The following ENOX1 variants were observed in gnomAD, a reference collection of about 807,000 sequenced individuals.
ENOX1 encodes the protein candidate growth-related and time keeping constitutive hydroquinone (NADH) oxidase.
A neutral mutation model predicts 82.5 loss-of-function variants in ENOX1; 42 were observed. The ratio of observed to expected loss-of-function variants is 0.51; its 90% CI spans 0.40 to 0.66. The LOEUF is 0.66. ENOX1 is among the 30% of genes least tolerant of loss of function. The probability of loss-of-function intolerance (pLI) is 0.00; values close to 1 mark genes in which losing one functional copy is unlikely to be tolerated. For missense variants in ENOX1, 608 were observed against 811.6 expected (o/e 0.75, Z 3.05); for synonymous variants, 271 against 282.2 (o/e 0.96, Z 0.40).
At chr13:43,474,519 T>C (rs2058200648) in intron 3 of ENOX1, among the ~76,000 whole-genome samples, 1 of 152,210 alleles carries the variant, frequency 6.6e-6, no homozygotes, top group Non-Finnish European at 1.5e-5. Flanking sequence ...TTCTCAACAC[T>C]TTTGGGAATA....
chr13:43,611,490 G>C (rs2082200092), intron 2 of ENOX1, among the ~76,000 whole-genome samples: 1 of 152,094 alleles, frequency 6.6e-6, no homozygotes, highest in African/African-American at 2.4e-5. Flanking sequence ...GTCTCAAAAG[G>C]CTACTTAGAT....
At chr13:43,432,792 C>T (rs1325229394) in intron 3 of ENOX1, among the ~76,000 whole-genome samples, 2 of 152,028 alleles carry the variant, frequency 1.3e-5, no homozygotes, top group Non-Finnish European at 1.5e-5. Context: ...CTACTTTCGC[C>T]CTTTAAGTTT....
At chr13:43,704,812 T>C (rs989206756) in intron 1 of ENOX1, among the ~76,000 whole-genome samples, 1 of 152,218 alleles carries the variant, frequency 6.6e-6, no homozygotes, top group Non-Finnish European at 1.5e-5. Context: ...ATATTTCAGC[T>C]GCTAATAATT....
intron 2 of ENOX1, among the ~76,000 whole-genome samples, chr13:43,614,340 T>C (rs1293871916): frequency 6.6e-6 from 1 of 152,180 alleles, no homozygotes; most frequent in Non-Finnish European, 1.5e-5. Context: ...GGGTTGTCAC[T>C]ACACACAGCA....
intron 3 of ENOX1, among the ~76,000 whole-genome samples, chr13:43,415,045 C>A (rs993221142): frequency 3.9e-5 from 6 of 152,128 alleles, no homozygotes; most frequent in African/African-American, 1.4e-4. Context: ...TCGTTTCTAC[C>A]TAATACTTTC....
chr13:43,425,591 C>T (rs1594524895), intron 3 of ENOX1, among the ~76,000 whole-genome samples: 1 of 152,164 alleles, frequency 6.6e-6, no homozygotes, highest in Admixed American at 6.5e-5. Flanking sequence ...GACCAAAGGA[C>T]CCATCTGCCT....
intron 2 of ENOX1, among the ~76,000 whole-genome samples, chr13:43,490,723 C>G (rs912186221): frequency 6.6e-6 from 1 of 152,146 alleles, no homozygotes; most frequent in African/African-American, 2.4e-5. Context: ...CTTCCCTTTC[C>G]AGAAAACTGA....
At chr13:43,457,879 C>T (rs2057301879) in intron 3 of ENOX1, among the ~76,000 whole-genome samples, 1 of 152,128 alleles carries the variant, frequency 6.6e-6, no homozygotes, top group Admixed American at 6.5e-5. Flanking sequence ...CTGACTCTTA[C>T]CACTCTGAAA....
intron 3 of ENOX1, among the ~76,000 whole-genome samples, chr13:43,477,340 G>A (rs1372822383): frequency 6.6e-6 from 1 of 151,868 alleles, no homozygotes. Flanking sequence ...GAATACATAC[G>A]CTTTGCTCTT....
At position 43,575,757 on chromosome 13, in the gene ENOX1, G is replaced by A. The variant is rs183053320; in HGVS notation, c.-218-91605C>T. 9.2e-5 allele frequency among the ~76,000 whole-genome samples: 14 copies of A among 152,294 alleles called. No individual in the cohort carries two copies. In the East Asian group the frequency reaches 1.7e-3, roughly 19 times the overall value. On this transcript the variant is annotated intron_variant, in intron 2 of 16. Transcript: ENST00000690772. ...TTCCAGCTGTAGTACTCCTTGCCCAGTAAAATGCTTGGCTAGCCCTTTGGT... is the reference window on the plus strand; with the variant it reads ...TTCCAGCTGTAGTACTCCTTGCCCAATAAAATGCTTGGCTAGCCCTTTGGT...
At chr13:43,471,720 G>A (rs1282132044) in intron 3 of ENOX1, among the ~76,000 whole-genome samples, 1 of 149,748 alleles carries the variant, frequency 6.7e-6, no homozygotes, top group African/African-American at 2.5e-5. Context: ...TGAGGCAGGA[G>A]AATGGTGTAA....
At chr13:43,580,603 T>C (rs9533535) in intron 2 of ENOX1, among the ~76,000 whole-genome samples, 1 of 152,220 alleles carries the variant, frequency 6.6e-6, no homozygotes, top group Non-Finnish European at 1.5e-5. Context: ...AGTTAAGCTG[T>C]TGCAAATCCT....
intron 2 of ENOX1, among the ~76,000 whole-genome samples, chr13:43,595,703 A>G (rs1001522607): frequency 2.0e-5 from 3 of 152,228 alleles, no homozygotes; most frequent in Non-Finnish European, 2.9e-5. Context: ...AAATTAAAAC[A>G]CTAGTGAAAA....
At chr13:43,318,487 G>A (rs2047634918) in intron 11 of ENOX1, among the ~76,000 whole-genome samples, 2 of 152,212 alleles carry the variant, frequency 1.3e-5, no homozygotes, top group South Asian at 4.1e-4. Flanking sequence ...AAAGCTCTCT[G>A]GGCCATGGCC....
intron 2 of ENOX1, among the ~76,000 whole-genome samples, chr13:43,542,431 C>CT (rs775618771): frequency 0.043 from 5,071 of 117,878 alleles, 436 homozygotes; most frequent in African/African-American, 0.15. Flanking sequence ...TGTGCCCGGC[C>CT]TTTTTTTTTT....
chr13:43,319,271 C>T lies in ENOX1; in HGVS notation c.1261+3113G>A, dbSNP rs567480858. On this transcript the variant is annotated intron_variant, in intron 11 of 16. Transcript: ENST00000690772. ...TTTTTATCAGCATCTTAGTTTTGCTCCAGTGAACTCCTTTTCCCCTTTAAG... is the reference window on the plus strand; with the variant it reads ...TTTTTATCAGCATCTTAGTTTTGCTTCAGTGAACTCCTTTTCCCCTTTAAG... Among the ~76,000 whole-genome samples, 65 of 152,072 alleles carry T rather than the reference C, an allele frequency of 4.3e-4. 1 individual carries two copies. In the South Asian group the frequency reaches 0.013, roughly 31 times the overall value.
At chr13:43,616,199 TA>T (rs2082460606) in intron 2 of ENOX1, among the ~76,000 whole-genome samples, 1 of 20,664 alleles carries the variant, frequency 4.8e-5, no homozygotes, top group Non-Finnish European at 3.1e-4. Context: ...TATATATATA[TA>T]TATATTTTTT....
At chr13:43,696,317 G>C (rs1385272451) in intron 1 of ENOX1, among the ~76,000 whole-genome samples, 1 of 152,200 alleles carries the variant, frequency 6.6e-6, no homozygotes. Flanking sequence ...ACATAGCTAA[G>C]AGATATACTG....
Position 43,213,752 on chromosome 13 carries a change from T to G in ENOX1, c.*238A>C. 3.3e-6 allele frequency: 1 copy of G among 304,914 alleles called. No individual in the cohort carries two copies. The highest frequency in any genetic ancestry group is 6.1e-6 in the Non-Finnish European group (1 of 164,810). The allele number at this position is 304,914 out of a possible 1,614,324, so 18.9% of individuals were successfully genotyped here. ...TGCCATCATTATGACTGTGGAATCA[T>G]TGTTTGGTTTTCATAGGAAACAGAT... On this transcript the variant is annotated 3_prime_UTR_variant, in exon 17 of 17. Transcript: ENST00000690772.
Sources: gnomAD v4.1 joint callset for allele counts (sites outside exome capture counted in the v4.1 genomes callset) on GRCh38, gnomAD v4.1.1 for gene constraint, MANE v1.5 for transcripts, NCBI Gene and HGNC (gene_info 2026-07-23, HGNC 2026-07-21) for gene names.